CKAP2L: variants seen among roughly 807,000 people sequenced by gnomAD.
CKAP2L encodes the protein cytoskeleton-associated protein 2-like.
Under a neutral mutation model 65.7 loss-of-function variants are expected in CKAP2L, and 42 were observed. The ratio of observed to expected loss-of-function variants is 0.64; its 90% confidence interval spans 0.50 to 0.83. CKAP2L has a LOEUF of 0.83. CKAP2L is among the 40% of genes least tolerant of loss of function. The probability of loss-of-function intolerance (pLI) is 0.00; values close to 1 mark genes in which losing one functional copy is unlikely to be tolerated. For missense variants in CKAP2L, 908 were observed against 871.0 expected (o/e 1.04, Z -0.53); for synonymous variants, 325 against 313.5 (o/e 1.04, Z -0.39).
chr2:112,746,640 AT>A (rs1680210667), intron 5 of CKAP2L, 65 bp from the exon 6 acceptor site: 16 of 1,231,054 alleles, frequency 1.3e-5, no homozygotes, highest in Non-Finnish European at 1.6e-5. Flanking sequence ...ACATCTCCTA[AT>A]ATTTATTACA....
chr2:112,739,279 G>A (rs1365225631), intron 8 of CKAP2L, among the ~76,000 whole-genome samples: 1 of 152,174 alleles, frequency 6.6e-6, no homozygotes, highest in Non-Finnish European at 1.5e-5. Flanking sequence ...AAATTAGCTG[G>A]GCATGGTGGC....
chr2:112,748,637 G>A (rs1438036019), intron 5 of CKAP2L, among the ~76,000 whole-genome samples: 1 of 152,180 alleles, frequency 6.6e-6, no homozygotes, highest in Non-Finnish European at 1.5e-5. Flanking sequence ...TGAGGCAGAG[G>A]ACTGCTTGAG....
At chr2:112,761,528 T>C (rs1464893429) in intron 2 of CKAP2L, among the ~76,000 whole-genome samples, 2 of 147,434 alleles carry the variant, frequency 1.4e-5, no homozygotes, top group Admixed American at 1.3e-4. Flanking sequence ...CTCTTCTAAC[T>C]TTAAGGGGGT....
chr2:112,742,426 G>C, intron 7 of CKAP2L: 1 of 717,626 alleles, frequency 1.4e-6, no homozygotes, highest in Non-Finnish European at 2.6e-6. Flanking sequence ...TTCCAGCAAA[G>C]AGCTGTTTGT....
intron 6 of CKAP2L, among the ~76,000 whole-genome samples, chr2:112,743,568 G>C (rs2104863505): frequency 6.6e-6 from 1 of 152,192 alleles, no homozygotes; most frequent in African/African-American, 2.4e-5. Flanking sequence ...CTCCCGAAGA[G>C]CTGGGATTAC....
chr2:112,759,927 C>T (rs1006950503), intron 3 of CKAP2L, among the ~76,000 whole-genome samples: 1 of 151,026 alleles, frequency 6.6e-6, no homozygotes, highest in African/African-American at 2.4e-5. Context: ...TATGCATATG[C>T]ATATGACTGA....
chr2:112,741,243 A>G (rs1679939989), intron 7 of CKAP2L, among the ~76,000 whole-genome samples: 1 of 152,050 alleles, frequency 6.6e-6, no homozygotes, highest in African/African-American at 2.4e-5. Flanking sequence ...AGACTGCTGT[A>G]CGTAGATTCT....
At chr2:112,761,455 C>T (rs1379085206) in intron 2 of CKAP2L, among the ~76,000 whole-genome samples, 8 of 122,848 alleles carry the variant, frequency 6.5e-5, no homozygotes, top group Admixed American at 9.2e-5. Flanking sequence ...AGTGAGACTC[C>T]GTCTCAAAAA....
At chr2:112,739,095 ATTATCT>A (rs1287949216) in intron 8 of CKAP2L, 47 bp from the exon 9 acceptor site, 2 of 1,371,086 alleles carry the variant, frequency 1.5e-6, no homozygotes, top group African/African-American at 2.9e-5. Context: ...ATTTAAAAAA[ATTATCT>A]TTATTATTTT....
rs1350674300 is a variant in CKAP2L at position 112,746,543 on chromosome 2, C to A, written c.1635G>T (p.Leu545Phe). Residue 545 changes from leucine (L) to phenylalanine (F), a missense_variant, in exon 6 of 9, where the codon TTG (leucine) becomes TTT (phenylalanine). Coordinates refer to ENST00000302450, the MANE Select transcript of CKAP2L (RefSeq NM_152515.5). ...GVPSNEILNI[L>F]SSIPEAEKFA... Reference sequence around the variant, plus strand: ...ATTTTTCAGCTTCAGGAATGCTGGACAATATGTTAAGTATTTCATTAGAAG... The same window carrying A: ...ATTTTTCAGCTTCAGGAATGCTGGAAAATATGTTAAGTATTTCATTAGAAG... 6.2e-7 allele frequency: 1 copy of A among 1,612,440 alleles called. No individual in the cohort carries two copies. The highest frequency in any genetic ancestry group is 8.5e-7 in the Non-Finnish European group (1 of 1,178,958).
chr2:112,758,564 G>C (rs1680614761), intron 3 of CKAP2L, among the ~76,000 whole-genome samples: 1 of 152,186 alleles, frequency 6.6e-6, no homozygotes, highest in African/African-American at 2.4e-5. Context: ...GGGAGGCAGA[G>C]AGATGGATGG....
At chr2:112,744,344 C>A (rs971686384) in intron 6 of CKAP2L, among the ~76,000 whole-genome samples, 2 of 152,130 alleles carry the variant, frequency 1.3e-5, no homozygotes, top group Non-Finnish European at 2.9e-5. Context: ...AGAGTTGAAT[C>A]CCAAGCTGGC....
chr2:112,752,238 A>G, intron 5 of CKAP2L, 29 bp downstream of exon 5: 1 of 1,542,454 alleles, frequency 6.5e-7, no homozygotes, highest in South Asian at 1.2e-5. Flanking sequence ...TTTGGGCCAA[A>G]GCTGGAGGAG....
chr2:112,739,244 A>G (rs950829216), intron 8 of CKAP2L, among the ~76,000 whole-genome samples, 196 bp from the exon 9 acceptor site: 2 of 152,190 alleles, frequency 1.3e-5, no homozygotes, highest in Non-Finnish European at 2.9e-5. Context: ...ACATAGCAAC[A>G]CACTATCTTT....
Position 112,738,595 on chromosome 2 carries a change from T to G in CKAP2L, c.*228A>C, listed in dbSNP as rs1283415493. 1 of 533,580 alleles carries G rather than the reference T, an allele frequency of 1.9e-6. No homozygotes were observed. The highest frequency in any genetic ancestry group is 3.5e-5 in the Admixed American group (1 of 28,858). The allele number at this position is 533,580 out of a possible 1,614,324, so 33.1% of individuals were successfully genotyped here. On this transcript the variant is annotated 3_prime_UTR_variant, in exon 9 of 9. Transcript: ENST00000302450. The stretch of plus-strand genomic sequence containing the variant: ...GTTGTAGGGTAAATATTCAAAAGTT[T>G]GAAATTTATGTATACTGTAAAACTG...
chr2:112,757,107 G>A lies in CKAP2L; in HGVS notation c.264C>T (p.Ser88=). ...TTGGTGGCTCCAACTTCGGCTTCTG[G>A]GACCCTGCAGTATTAGGTGGTCTGG... is the stretch of plus-strand genomic sequence containing the variant. The part of the protein sequence containing the change: ...LQPRPPNTAG[S]QKPKLEPPKL... Residue 88 remains serine, a synonymous_variant, in exon 4 of 9, where the codon TCC becomes TCT. Transcript: ENST00000302450. 6.2e-7 allele frequency: 1 copy of A among 1,614,086 alleles called. No homozygotes were observed.
intron 8 of CKAP2L, among the ~76,000 whole-genome samples, chr2:112,739,689 C>T (rs1034055848): frequency 3.9e-5 from 6 of 152,226 alleles, no homozygotes; most frequent in Non-Finnish European, 8.8e-5. Context: ...GGGTCTCACT[C>T]TGTTGCCCAG....
intron 7 of CKAP2L, chr2:112,742,446 T>C: frequency 1.4e-6 from 1 of 717,782 alleles, no homozygotes; most frequent in East Asian, 2.7e-5. Flanking sequence ...TCTTCTGCCA[T>C]CTAGGATTCC....
chr2:112,738,777 C>T lies in CKAP2L; in HGVS notation c.*46G>A. The stretch of plus-strand genomic sequence containing the variant: ...TCACTTGGACAAGAATATTTCTTGT[C>T]TTATGTTGGTTCTGAAACACCTTTT... On this transcript the variant is annotated 3_prime_UTR_variant, in exon 9 of 9. Coordinates refer to ENST00000302450, the MANE Select transcript of CKAP2L (RefSeq NM_152515.5). 7.8e-7 allele frequency: 1 copy of T among 1,288,378 alleles called. No homozygotes were observed. The highest frequency in any genetic ancestry group is 1.5e-5 in the African/African-American group (1 of 68,290). 79.8% of individuals were successfully genotyped at this position (1,288,378 alleles called of 1,614,324 possible).
Sources: gnomAD v4.1 joint callset for allele counts (sites outside exome capture counted in the v4.1 genomes callset) on GRCh38, gnomAD v4.1.1 for gene constraint, MANE v1.5 for transcripts, NCBI Gene and HGNC (gene_info 2026-07-23, HGNC 2026-07-21) for gene names.